Variants in WNK1 observed in about 807,000 individuals in gnomAD.
WNK1 encodes serine/threonine-protein kinase WNK1.
WNK1 carries 38 observed loss-of-function variants against 222.8 expected under a neutral mutation model. That is an observed-to-expected ratio of 0.17 (90% confidence interval 0.13 to 0.22). WNK1 has a LOEUF of 0.22. Ranked by LOEUF, WNK1 falls within the 10% of genes least tolerant of loss-of-function variation. The pLI, the probability that WNK1 is intolerant of heterozygous loss-of-function variation, is 1.00. For synonymous variants in WNK1, 1,090 were observed against 1,092.9 expected (o/e 1.00, Z 0.05); for missense variants, 2,348 against 2,918.4 (o/e 0.80, Z 4.50).
chr12:906,041 T>A (rs895109971), intron 26 of WNK1, among the ~76,000 whole-genome samples: 2 of 152,172 alleles, frequency 1.3e-5, no homozygotes, highest in Non-Finnish European at 1.5e-5. Flanking sequence ...AGACCAGCGA[T>A]GGTCAGTAAC....
chr12:885,892 T>G lies in WNK1; in HGVS notation c.5088T>G (p.Ala1696=), dbSNP rs1465426918. ...TCACACCAGGCATCCCAACTACTGC[T>G]GTTGCACCAAGCAAACTCCTGACTT... ...STVTPGIPTT[A]VAPSKLLTST... The change falls in exon 19 of 28, where the codon GCT becomes GCG. Residue 1696 remains alanine (A), a synonymous_variant. Transcript: ENST00000315939. 6 of 1,610,984 alleles carry G rather than the reference T, an allele frequency of 3.7e-6. No individual in the cohort carries two copies. The highest frequency in any genetic ancestry group is 4.2e-6 in the Non-Finnish European group (5 of 1,177,806).
At chr12:764,295 T>G (rs963367967) in intron 1 of WNK1, among the ~76,000 whole-genome samples, 1 of 146,910 alleles carries the variant, frequency 6.8e-6, no homozygotes, top group Non-Finnish European at 1.5e-5. Flanking sequence ...TAACAAGTAG[T>G]AAAGAAATGT....
intron 4 of WNK1, among the ~76,000 whole-genome samples, chr12:830,915 T>A (rs552364190): frequency 3.2e-4 from 49 of 152,320 alleles, no homozygotes; most frequent in African/African-American, 1.2e-3. Context: ...CCACAAAATA[T>A]ATTTTATTGT....
intron 26 of WNK1, 109 bp downstream of exon 26, chr12:900,779 CTG>C (rs2154098576): frequency 7.7e-7 from 1 of 1,306,364 alleles, no homozygotes; most frequent in Middle Eastern, 1.8e-4. Context: ...AGAACACAGC[CTG>C]TGTGTTGTAC....
intron 8 of WNK1, among the ~76,000 whole-genome samples, chr12:869,822 T>G (rs1342887466): frequency 1.3e-5 from 2 of 152,078 alleles, no homozygotes; most frequent in South Asian, 2.1e-4. Flanking sequence ...GCTTTTTTTT[T>G]TTGTTATAAG....
intron 1 of WNK1, among the ~76,000 whole-genome samples, chr12:790,565 C>CT (rs1296906197): frequency 6.6e-6 from 1 of 152,136 alleles, no homozygotes; most frequent in African/African-American, 2.4e-5. Context: ...AGGAATCTGT[C>CT]TTGACCTGTG....
At chr12:767,581 AC>A (rs1385082147) in intron 1 of WNK1, among the ~76,000 whole-genome samples, 2 of 151,940 alleles carry the variant, frequency 1.3e-5, no homozygotes, top group East Asian at 3.9e-4. Flanking sequence ...CCTTACCTAC[AC>A]ATGCAAATCT....
chr12:887,077 G>A, intron 19 of WNK1, 144 bp from the exon 20 acceptor site: 1 of 782,298 alleles, frequency 1.3e-6, no homozygotes. Flanking sequence ...ACAGATACCA[G>A]AGAGTAACCT....
chr12:762,926 A>G lies in WNK1; in HGVS notation c.759+8602A>G, dbSNP rs1941223406. 1.4e-5 allele frequency among the ~76,000 whole-genome samples: 2 copies of G among 146,218 alleles called. 1 individual carries two copies. Among genetic ancestry groups the G allele is most frequent in the South Asian group, 4.6e-4 (2 of 4,378 alleles). ...CATGCCCAGCTAATTTTGTATTTTT[A>G]GTAGAGGTGGGGTTTCTCCATGTTG... On this transcript the variant is annotated intron_variant, in intron 1 of 27. Transcript: ENST00000315939.
At chr12:833,040 G>C (rs529129018) in intron 4 of WNK1, among the ~76,000 whole-genome samples, 1 of 151,530 alleles carries the variant, frequency 6.6e-6, no homozygotes, top group Non-Finnish European at 1.5e-5. Context: ...TGAGCATAGG[G>C]TCGACTGTTT....
At chr12:771,586 C>T (rs1942505257) in intron 1 of WNK1, among the ~76,000 whole-genome samples, 2 of 152,014 alleles carry the variant, frequency 1.3e-5, no homozygotes, top group East Asian at 1.9e-4. Flanking sequence ...AGGGGTATGC[C>T]ACCACGTCCA....
rs1953513491 is a variant in WNK1 at position 884,883 on chromosome 12, G to A, written c.4079G>A (p.Ser1360Asn). Residue 1360 changes from serine to asparagine, a missense_variant, in exon 19 of 28, where the codon AGC (serine) becomes AAC (asparagine). This residue lies in a region of WNK1 where 1,144 missense variants were observed against 1,273.6 expected (regional missense o/e 0.90). Coordinates refer to ENST00000315939, the MANE Select transcript of WNK1 (RefSeq NM_018979.4). The surrounding 1 kb of genome is among the most constrained non-coding windows in gnomAD (Gnocchi z 5.6). ...GCCACAGCACCAGTCCCTGCAACAA[G>A]CAGCCCTCCTAATGACATTTCCACA... ...AAATAPVPAT[S>N]SPPNDISTSV... 6.2e-7 allele frequency: 1 copy of A among 1,614,128 alleles called. No individual in the cohort carries two copies.
chr12:776,959 A>T (rs1001601950), intron 1 of WNK1, among the ~76,000 whole-genome samples: 2 of 152,200 alleles, frequency 1.3e-5, no homozygotes, highest in Admixed American at 6.5e-5. Context: ...GTAGCTATTC[A>T]TTCAGAAGTG....
intron 15 of WNK1, 38 bp from the exon 16 acceptor site, chr12:883,357 A>G: frequency 6.2e-7 from 1 of 1,611,104 alleles, no homozygotes; most frequent in Non-Finnish European, 8.5e-7. Flanking sequence ...AGTTTGAGAA[A>G]TGACACTAAT....
Position 753,595 on chromosome 12 carries a change from C to G in WNK1, c.30C>G (p.Ser10Arg). Reference sequence around the variant, plus strand: ...CTGGCGGCGCCGCAGAGAAGCAGAGCAGCACTCCCGGTTCCCTGTTCCTCT... The same window carrying G: ...CTGGCGGCGCCGCAGAGAAGCAGAGGAGCACTCCCGGTTCCCTGTTCCTCT... MSGGAAEKQ[S>R]STPGSLFLSP... Residue 10 changes from serine (S) to arginine (R), a missense_variant, in exon 1 of 28, where the codon AGC becomes AGG. Ser to Arg is a moderately radical substitution (Grantham distance 110). Coordinates refer to ENST00000315939, the MANE Select transcript of WNK1 (RefSeq NM_018979.4). The surrounding 1 kb of genome is among the most constrained non-coding windows in gnomAD (Gnocchi z 5.2). 6.2e-7 allele frequency: 1 copy of G among 1,612,718 alleles called. No individual in the cohort carries two copies. Among genetic ancestry groups the G allele is most frequent in the Non-Finnish European group, 8.5e-7 (1 of 1,179,934 alleles).
intron 4 of WNK1, among the ~76,000 whole-genome samples, chr12:842,958 C>T (rs182727002): frequency 2.3e-3 from 356 of 151,772 alleles, no homozygotes; most frequent in Non-Finnish European, 3.8e-3. Context: ...TTTTTGGAGA[C>T]GGAGTCTCTC....
At chr12:816,444 A>G (rs1418138252) in intron 2 of WNK1, among the ~76,000 whole-genome samples, 1 of 148,130 alleles carries the variant, frequency 6.8e-6, no homozygotes. Flanking sequence ...TAATAAAAAA[A>G]CAATTTTTTT....
intron 1 of WNK1, among the ~76,000 whole-genome samples, chr12:788,778 C>G (rs1477443438): frequency 6.7e-6 from 1 of 149,014 alleles, no homozygotes; most frequent in African/African-American, 2.5e-5. Context: ...TCCCAGCTAC[C>G]CAGGAGGCTG....
intron 1 of WNK1, among the ~76,000 whole-genome samples, chr12:777,101 T>C (rs1193754253): frequency 6.6e-6 from 1 of 152,160 alleles, no homozygotes; most frequent in Admixed American, 6.5e-5. Context: ...GTTACTTTTC[T>C]TATTGGATAA....
Sources: gnomAD v4.1 joint callset for allele counts (sites outside exome capture counted in the v4.1 genomes callset) on GRCh38, gnomAD v4.1.1 for gene constraint, gnomAD v4.1.1 regional missense constraint, Gnocchi (gnomAD v3.1) non-coding constraint, MANE v1.5 for transcripts, NCBI Gene and HGNC (gene_info 2026-07-23, HGNC 2026-07-21) for gene names.